The following REV1 variants were observed in gnomAD, a reference collection of about 807,000 sequenced individuals.
The protein encoded by REV1 is translesion synthesis protein REV1.
In REV1, 42 loss-of-function variants were observed where a neutral mutation model predicts 137.4. That is an observed-to-expected ratio of 0.31 (90% CI 0.24 to 0.40). The LOEUF is 0.40. Ranked by LOEUF, REV1 falls within the 10% of genes least tolerant of loss-of-function variation. The pLI is 1.00. For missense variants in REV1, 1,282 were observed against 1,490.1 expected (o/e 0.86, Z 2.30); for synonymous variants, 524 against 519.2 (o/e 1.01, Z -0.12).
intron 1 of REV1, among the ~76,000 whole-genome samples, chr2:99,489,553 G>A (rs1313481389): frequency 6.7e-6 from 1 of 148,454 alleles, no homozygotes; most frequent in East Asian, 2.0e-4. Context: ...GCGCGGGGCC[G>A]GCCGCGCCAT....
At chr2:99,433,147 T>C (rs1486171747) in intron 8 of REV1, among the ~76,000 whole-genome samples, 1 of 152,204 alleles carries the variant, frequency 6.6e-6, no homozygotes, top group Non-Finnish European at 1.5e-5. Context: ...ACTTAAGATT[T>C]CATCTGTTTA....
rs142684849 is a variant in REV1 at position 99,406,014 on chromosome 2, C to T, written c.2707G>A (p.Asp903Asn). ...CCTGAAGACTCAGCCTTGTTAGTAT[C>T]AGGACTGGTCGGCAGATGTGCAGGA... ...PFPAHLPTSP[D>N]TNKAESSGKW... Residue 903 changes from aspartate to asparagine, a missense_variant, in exon 17 of 23, where the codon GAT (aspartate) becomes AAT (asparagine). By Grantham distance (23) the Asp-to-Asn change is conservative. Coordinates refer to ENST00000258428, the MANE Select transcript of REV1 (RefSeq NM_016316.4). The T allele has an allele frequency of 1.9e-6, 3 of 1,614,032 alleles. No individual in the cohort carries two copies. Among genetic ancestry groups the T allele is most frequent in the Non-Finnish European group, 2.5e-6 (3 of 1,179,984 alleles).
chr2:99,442,443 T>C lies in REV1; in HGVS notation c.377A>G (p.Tyr126Cys), dbSNP rs759727235. Reference sequence around the variant, plus strand: ...CTTGGTGTACAGCTGATATGGAATGTAGGAGAGGAGTCGTCCAGCTTTGAT... The same window carrying C: ...CTTGGTGTACAGCTGATATGGAATGCAGGAGAGGAGTCGTCCAGCTTTGAT... Reference protein sequence around the residue: ...ESIKAGRLLSYIPYQLYTKQS... With the variant: ...ESIKAGRLLSCIPYQLYTKQS... The change falls in exon 5 of 23, where the codon TAC becomes TGC. Residue 126 changes from tyrosine to cysteine, a missense_variant. Coordinates refer to ENST00000258428, the MANE Select transcript of REV1 (RefSeq NM_016316.4). The C allele has an allele frequency of 8.7e-6, 14 of 1,613,788 alleles. No homozygotes were observed. In the African/African-American group the frequency reaches 1.3e-4, roughly 15 times the overall value.
intron 3 of REV1, among the ~76,000 whole-genome samples, chr2:99,449,973 C>T (rs1682733353): frequency 6.6e-6 from 1 of 152,046 alleles, no homozygotes; most frequent in South Asian, 2.1e-4. Flanking sequence ...AAAAAGGAGA[C>T]TTACTGTAGG....
rs369662260 is a variant in REV1, at chr2:99,477,227, T to C, written c.-10-12242A>G. On this transcript the variant is annotated intron_variant, in intron 1 of 22. Transcript: ENST00000258428. ...TACATTTCCCACGCTCCTCTCAAAATCGGGGGTGGCCATGTGACTAAGTTC... is the reference window on the plus strand; with the variant it reads ...TACATTTCCCACGCTCCTCTCAAAACCGGGGGTGGCCATGTGACTAAGTTC... Among the ~76,000 whole-genome samples, 4 of 152,224 alleles carry C rather than the reference T, an allele frequency of 2.6e-5. No homozygotes were observed. The East Asian group carries it at 5.8e-4, about 22-fold the overall frequency.
At chr2:99,451,491 T>G in intron 3 of REV1, 1 of 1,303,904 alleles carries the variant, frequency 7.7e-7, no homozygotes, top group Non-Finnish European at 1.0e-6. Flanking sequence ...AAGTGAAGCA[T>G]GAAAACCAAT....
At position 99,423,333 on chromosome 2, in the gene REV1, C is replaced by T. The variant is rs905564384; in HGVS notation, c.1676+819G>A. ...TATCTCTTGGAACATTAATACTGCCCAGGAGTTGACAAACCTTGGCCTAAC... is the reference window on the plus strand; with the variant it reads ...TATCTCTTGGAACATTAATACTGCCTAGGAGTTGACAAACCTTGGCCTAAC... On this transcript the variant is annotated intron_variant, in intron 10 of 22. Coordinates refer to ENST00000258428, the MANE Select transcript of REV1 (RefSeq NM_016316.4). Among the ~76,000 whole-genome samples the T allele has an allele frequency of 9.2e-5, 14 of 152,298 alleles. No individual in the cohort carries two copies. In the South Asian group the frequency reaches 2.1e-3, roughly 23 times the overall value.
intron 1 of REV1, among the ~76,000 whole-genome samples, chr2:99,467,610 GAAA>G (rs1304709761): frequency 6.6e-4 from 101 of 152,322 alleles, no homozygotes; most frequent in African/African-American, 2.3e-3. Flanking sequence ...TGCTAGGAGA[GAAA>G]AAGTAGAGTC....
intron 4 of REV1, among the ~76,000 whole-genome samples, chr2:99,445,333 A>G (rs936977552): frequency 3.9e-5 from 6 of 152,238 alleles, no homozygotes; most frequent in African/African-American, 1.4e-4. Context: ...TGAAAGTCCT[A>G]CTAGTAGATC....
intron 3 of REV1, among the ~76,000 whole-genome samples, chr2:99,454,921 C>T (rs757043777): frequency 2.6e-5 from 4 of 152,154 alleles, no homozygotes; most frequent in Non-Finnish European, 5.9e-5. Flanking sequence ...AGACCTAAAG[C>T]CCTACAAGTA....
intron 9 of REV1, among the ~76,000 whole-genome samples, chr2:99,429,156 T>C (rs1485880040): frequency 6.6e-6 from 1 of 152,212 alleles, no homozygotes; most frequent in African/African-American, 2.4e-5. Flanking sequence ...AGACTTCTCT[T>C]TTTAATTATT....
At chr2:99,425,863 C>G (rs1679270036) in intron 9 of REV1, among the ~76,000 whole-genome samples, 2 of 151,770 alleles carry the variant, frequency 1.3e-5, no homozygotes, top group African/African-American at 4.8e-5. Flanking sequence ...ATGGAGAAAC[C>G]CTGTCTCTAC....
chr2:99,413,400 G>A lies in REV1; in HGVS notation c.1952-449C>T, dbSNP rs974370319. Among the ~76,000 whole-genome samples the A allele has an allele frequency of 1.3e-5, 2 of 152,262 alleles. 1 individual carries two copies. Among genetic ancestry groups the A allele is most frequent in the East Asian group, 3.9e-4 (2 of 5,184 alleles). On this transcript the variant is annotated intron_variant, in intron 12 of 22. Transcript: ENST00000258428. ...ATCACCAAATCTCACAGTGGTATCAGCCACATTTTTTCAGTGAAAAACAGA... is the reference window on the plus strand; with the variant it reads ...ATCACCAAATCTCACAGTGGTATCAACCACATTTTTTCAGTGAAAAACAGA...
At chr2:99,464,869 TG>T in intron 2 of REV1, 52 bp downstream of exon 2, 1 of 1,523,468 alleles carries the variant, frequency 6.6e-7, no homozygotes, top group South Asian at 1.1e-5. Context: ...AACAGAAGAA[TG>T]AAAAATAACT....
At chr2:99,404,309 C>A in intron 18 of REV1, 135 bp downstream of exon 18, 1 of 654,786 alleles carries the variant, frequency 1.5e-6, no homozygotes. Flanking sequence ...GCCCACTCTC[C>A]CCTCCCCTCC....
intron 1 of REV1, among the ~76,000 whole-genome samples, chr2:99,476,217 C>T (rs184108210): frequency 2.6e-5 from 4 of 152,224 alleles, no homozygotes; most frequent in Admixed American, 6.5e-5. Context: ...CTTTTCCCCC[C>T]CTTCACATGG....
At chr2:99,488,651 C>T (rs191641933) in intron 1 of REV1, among the ~76,000 whole-genome samples, 8 of 152,298 alleles carry the variant, frequency 5.3e-5, no homozygotes, top group Admixed American at 2.6e-4. Flanking sequence ...AGCACTGGTC[C>T]CTGCACGGGC....
At position 99,402,711 on chromosome 2, in the gene REV1, A is replaced by G; in HGVS notation, c.3474T>C (p.Asn1158=). The change falls in exon 21 of 23, where the codon AAT becomes AAC. Residue 1158 remains asparagine (N), a synonymous_variant. Coordinates refer to ENST00000258428, the MANE Select transcript of REV1 (RefSeq NM_016316.4). ...CATTGAATTCAACAGCTCCAGCTAG[A>G]TTGGGTGCTGGAGGTCTCACACAGC... is the stretch of plus-strand genomic sequence containing the variant. ...PAGCVRPPAP[N]LAGAVEFNDV... 6.2e-7 allele frequency: 1 copy of G among 1,614,024 alleles called. No homozygotes were observed. The highest frequency in any genetic ancestry group is 2.2e-5 in the East Asian group (1 of 44,890).
intron 9 of REV1, among the ~76,000 whole-genome samples, chr2:99,426,402 T>C (rs922197536): frequency 1.3e-5 from 2 of 152,056 alleles, no homozygotes; most frequent in African/African-American, 4.8e-5. Flanking sequence ...TTCTTATATT[T>C]ACAATATTTT....
Sources: allele counts gnomAD v4.1 joint callset (sites outside exome capture counted in the v4.1 genomes callset), GRCh38; gene constraint gnomAD v4.1.1; transcripts MANE v1.5; gene names NCBI Gene and HGNC (gene_info 2026-07-23, HGNC 2026-07-21).